CD163L1: variants seen among roughly 807,000 people sequenced by gnomAD.
CD163L1 encodes the protein scavenger receptor cysteine-rich type 1 protein M160.
A neutral mutation model predicts 165.4 loss-of-function variants in CD163L1; 124 were observed. The ratio of observed to expected loss-of-function variants is 0.75; its 90% CI spans 0.65 to 0.87. CD163L1 has a LOEUF of 0.87. Among genes scored for constraint, CD163L1 ranks in the 40% least tolerant of loss-of-function variants. The probability of loss-of-function intolerance (pLI) is 0.00; values close to 1 mark genes in which losing one functional copy is unlikely to be tolerated. For missense variants in CD163L1, 1,525 were observed against 1,799.9 expected, an observed-to-expected ratio of 0.85 and a Z score of 2.76; for synonymous variants, 585 against 662.2, an observed-to-expected ratio of 0.88 and a Z score of 1.79.
chr12:7,405,685 A>G (rs948401316), intron 5 of CD163L1, among the ~76,000 whole-genome samples: 3 of 152,186 alleles, frequency 2.0e-5, no homozygotes, highest in East Asian at 1.9e-4. Flanking sequence ...CTCAAATTCT[A>G]TAGGAAATAA....
the CD163L1 span, among the ~76,000 whole-genome samples, chr12:7,336,547 G>T: frequency 0.91 from 138,586 of 152,122 alleles, 63,447 homozygotes; most frequent in Non-Finnish European, 0.95. Flanking sequence ...TTAGGAGATA[G>T]ACCTAATGCT....
At chr12:7,392,818 G>GAGA (rs1252785576) in intron 8 of CD163L1, among the ~76,000 whole-genome samples, 2 of 151,946 alleles carry the variant, frequency 1.3e-5, no homozygotes, top group Non-Finnish European at 2.9e-5. Context: ...CTAGAAAATC[G>GAGA]AGAAGAAGTG....
chr12:7,430,344 CAG>C (rs1379069660), intron 4 of CD163L1, among the ~76,000 whole-genome samples: 1 of 152,124 alleles, frequency 6.6e-6, no homozygotes, highest in African/African-American at 2.4e-5. Flanking sequence ...CTCTGTCAGC[CAG>C]TAAGAGACAG....
At chr12:7,426,297 G>T (rs375298697) in intron 4 of CD163L1, among the ~76,000 whole-genome samples, 1 of 152,140 alleles carries the variant, frequency 6.6e-6, no homozygotes, top group East Asian at 1.9e-4. Flanking sequence ...GTCTGGGAAT[G>T]GGGGGCAAGG....
Position 7,375,375 on chromosome 12 carries a change from G to A in CD163L1, c.2907C>T (p.Cys969=), listed in dbSNP as rs1376434709. The A allele has an allele frequency of 6.2e-7, 1 of 1,614,144 alleles. No individual in the cohort carries two copies. The highest frequency in any genetic ancestry group is 1.1e-5 in the South Asian group (1 of 91,078). The stretch of plus-strand genomic sequence containing the variant: ...TATCCAGAAGTGACTCATTCCCTAA[G>A]CAATGAAACCTGTGTCCCCACACAC... ...SVRVWGHRFH[C]LGNESLLDNC... is the part of the protein sequence containing the mutation. Residue 969 remains cysteine, a synonymous_variant, in exon 11 of 20, where the codon TGC becomes TGT. Coordinates refer to ENST00000313599, the MANE Select transcript of CD163L1 (RefSeq NM_174941.6).
Position 7,403,789 on chromosome 12 carries a change from C to T in CD163L1, c.1154G>A (p.Arg385Lys). 1 of 1,613,856 alleles carries T rather than the reference C, an allele frequency of 6.2e-7. No individual in the cohort carries two copies. Among genetic ancestry groups the T allele is most frequent in the Non-Finnish European group, 8.5e-7 (1 of 1,179,926 alleles). The change falls in exon 6 of 20, where the codon AGA (arginine) becomes AAA (lysine). Residue 385 changes from arginine to lysine, a missense_variant. Arg to Lys is a conservative substitution (Grantham distance 26). Coordinates refer to ENST00000313599, the MANE Select transcript of CD163L1 (RefSeq NM_174941.6). ...SNNCSGRVEVRIHEQWWTICD... is the reference protein window; with the variant it reads ...SNNCSGRVEVKIHEQWWTICD... ...TATTGTCCACCACTGTTCATGAATTCTCACCTCTACTCTCCCTGAACAATT... is the reference window on the plus strand; with the variant it reads ...TATTGTCCACCACTGTTCATGAATTTTCACCTCTACTCTCCCTGAACAATT...
chr12:7,395,255 T>A (rs932652701), intron 8 of CD163L1, among the ~76,000 whole-genome samples: 3 of 152,162 alleles, frequency 2.0e-5, no homozygotes, highest in Non-Finnish European at 4.4e-5. Context: ...CATGGAATAC[T>A]ATGCAGCCAT....
In CD163L1 at chr12:7,359,935, T is replaced by C. The variant is rs148454068; in HGVS notation, c.4280-2449A>G. On this transcript the variant is annotated intron_variant, in intron 18 of 19. Transcript: ENST00000313599. ...GTCACTTTTGTCTCCTTGCTTTTGA[T>C]ATTTTTCCTTTGTGTTTGATTTTCA... Among the ~76,000 whole-genome samples the C allele has an allele frequency of 7.2e-3, 1,100 of 152,304 alleles. 8 individuals are homozygous for C. The highest frequency in any genetic ancestry group is 0.017 in the Admixed American group (261 of 15,296).
chr12:7,421,440 C>CATAT (rs780938019), intron 4 of CD163L1, among the ~76,000 whole-genome samples: 892 of 88,144 alleles, frequency 0.01, 49 homozygotes, highest in Non-Finnish European at 0.012. Context: ...TACATATATA[C>CATAT]ATATACATAT....
chr12:7,341,710 G>A (rs753498142), downstream of CD163L1, among the ~76,000 whole-genome samples: 1 of 152,138 alleles, frequency 6.6e-6, no homozygotes, highest in Admixed American at 6.5e-5. Flanking sequence ...AAATGGGATG[G>A]GAAACGACCC....
At chr12:7,380,241 G>A (rs906015593) in intron 8 of CD163L1, among the ~76,000 whole-genome samples, 2 of 151,552 alleles carry the variant, frequency 1.3e-5, no homozygotes, top group African/African-American at 4.8e-5. Flanking sequence ...CAGCCCAAAT[G>A]CCCATCAATC....
intron 5 of CD163L1, 124 bp from the exon 6 acceptor site, chr12:7,403,979 C>T (rs1947965581): frequency 1.7e-6 from 1 of 572,736 alleles, no homozygotes; most frequent in Non-Finnish European, 2.8e-6. Flanking sequence ...AAAGTAAAGA[C>T]TAAAGACTGG....
intron 4 of CD163L1, among the ~76,000 whole-genome samples, chr12:7,407,289 A>G (rs1383031737): frequency 2.6e-5 from 4 of 152,062 alleles, no homozygotes; most frequent in Admixed American, 1.3e-4. Context: ...TCTTTTTCCT[A>G]TTTCAAAAAT....
intron 4 of CD163L1, among the ~76,000 whole-genome samples, chr12:7,407,196 G>A (rs1169933370): frequency 6.6e-6 from 1 of 152,124 alleles, no homozygotes; most frequent in East Asian, 1.9e-4. Context: ...CTGGCTCTGA[G>A]TCTAGCCAGC....
chr12:7,375,937 G>A lies in CD163L1; in HGVS notation c.2449C>T (p.Arg817Cys), dbSNP rs763534001. The change falls in exon 10 of 20, where the codon CGC becomes TGC. Residue 817 changes from arginine (R) to cysteine (C), a missense_variant. By Grantham distance (180) the Arg-to-Cys change is radical. Transcript: ENST00000313599. The stretch of plus-strand genomic sequence containing the variant: ...GAGAAATCAGAATCACAGACAGAGC[G>A]CCATGTGTCTGCATGTTTCACTTCA... ...RVEVKHADTW[R>C]SVCDSDFSLH... 5.6e-5 allele frequency: 91 copies of A among 1,614,084 alleles called. No individual in the cohort carries two copies. The highest frequency in any genetic ancestry group is 1.6e-4 in the Middle Eastern group (1 of 6,084).
At chr12:7,324,659 C>T in the CD163L1 span, 2 of 1,552,410 alleles carry the variant, frequency 1.3e-6, no homozygotes, top group Admixed American at 1.7e-5. Flanking sequence ...TCCATTTGAC[C>T]ACTGTAAAGG....
intron 4 of CD163L1, among the ~76,000 whole-genome samples, chr12:7,431,516 CAG>C (rs760617158): frequency 1.0e-4 from 15 of 149,072 alleles, no homozygotes; most frequent in Non-Finnish European, 1.6e-4. Flanking sequence ...AGTGTGCTAA[CAG>C]AGAAATGAAG....
Position 7,435,047 on chromosome 12 carries a change from A to G in CD163L1, c.125-1353T>C, listed in dbSNP as rs192725606. Among the ~76,000 whole-genome samples the G allele has an allele frequency of 4.4e-3, 663 of 152,232 alleles. 5 individuals are homozygous for G. The highest frequency in any genetic ancestry group is 0.015 in the African/African-American group (625 of 41,562). On this transcript the variant is annotated intron_variant, in intron 2 of 19. Transcript: ENST00000313599. ...ATTCTAATGGCTGTGCTCATATCAT[A>G]TAACTCTTAAGTCTAATGAAAGCTC...
At chr12:7,349,338 T>C (rs1252033309) in intron 4 of CD163L1, among the ~76,000 whole-genome samples, 2 of 152,344 alleles carry the variant, frequency 1.3e-5, no homozygotes, top group African/African-American at 4.8e-5. Flanking sequence ...AATTGAGTTA[T>C]ACTTTCCTCA....
Sources: allele counts gnomAD v4.1 joint callset (sites outside exome capture counted in the v4.1 genomes callset), GRCh38; gene constraint gnomAD v4.1.1; transcripts MANE v1.5; gene names NCBI Gene and HGNC (gene_info 2026-07-23, HGNC 2026-07-21).